Variants in GAPDHS observed in about 807,000 individuals in gnomAD.
GAPDHS encodes glyceraldehyde-3-phosphate dehydrogenase, spermatogenic, also known as glyceraldehyde-3-phosphate dehydrogenase, testis-specific.
In GAPDHS, 42 loss-of-function variants were observed where a neutral mutation model predicts 48.7. The ratio of observed to expected loss-of-function variants is 0.86; its 90% CI spans 0.67 to 1.12. GAPDHS has a LOEUF of 1.12. GAPDHS is among the 50% of genes most tolerant of loss of function. The probability of loss-of-function intolerance (pLI) is 0.00; values close to 1 mark genes in which losing one functional copy is unlikely to be tolerated. For missense variants in GAPDHS, 512 were observed against 557.7 expected, an observed-to-expected ratio of 0.92 and a Z score of 0.82; for synonymous variants, 166 against 219.1, an observed-to-expected ratio of 0.76 and a Z score of 2.14.
At chr19:35,534,355 G>A (rs1166393589) in intron 1 of GAPDHS, among the ~76,000 whole-genome samples, 1 of 152,200 alleles carries the variant, frequency 6.6e-6, no homozygotes, top group Non-Finnish European at 1.5e-5. Flanking sequence ...GAAGACACAG[G>A]AGCAGACAGG....
intron 2 of GAPDHS, 37 bp downstream of exon 2, chr19:35,537,027 T>C (rs2071470509): frequency 2.6e-6 from 4 of 1,527,870 alleles, no homozygotes; most frequent in Non-Finnish European, 3.6e-6. Flanking sequence ...TCTGAAGCCT[T>C]AGAGCCCAGC....
intron 8 of GAPDHS, 76 bp downstream of exon 8, chr19:35,543,567 A>C (rs2071521222): frequency 6.4e-7 from 1 of 1,573,744 alleles, no homozygotes; most frequent in Non-Finnish European, 8.6e-7. Flanking sequence ...CTCAGTCCTT[A>C]AGAGGAAAGC....
chr19:35,536,272 C>T (rs2071465390), intron 1 of GAPDHS, among the ~76,000 whole-genome samples: 4 of 151,972 alleles, frequency 2.6e-5, no homozygotes, highest in South Asian at 2.1e-4. Context: ...TCACCCCAAG[C>T]GATCTATGTT....
chr19:35,537,085 A>G, intron 2 of GAPDHS, 95 bp downstream of exon 2: 1 of 1,081,788 alleles, frequency 9.2e-7, no homozygotes, highest in Non-Finnish European at 1.4e-6. Context: ...TCCCCCCATC[A>G]ATGCTTTCGT....
rs1419621645 is a variant in GAPDHS, at chr19:35,545,128, G to C, written c.1185G>C (p.Arg395=). ...WYDNEYGYSH[R]VVDLLRYMFS... is the part of the protein sequence containing the mutation. ...ACAACGAATATGGCTACAGTCACCGGGTGGTCGACCTCCTCCGCTACATGT... is the reference window on the plus strand; with the variant it reads ...ACAACGAATATGGCTACAGTCACCGCGTGGTCGACCTCCTCCGCTACATGT... Residue 395 remains arginine, a synonymous_variant, in exon 11 of 11, where the codon CGG becomes CGC. Transcript: ENST00000222286. The C allele has an allele frequency of 6.2e-7, 1 of 1,614,122 alleles. No individual in the cohort carries two copies. Among genetic ancestry groups the C allele is most frequent in the Non-Finnish European group, 8.5e-7 (1 of 1,179,996 alleles).
In GAPDHS at chr19:35,533,460, C is replaced by T; in HGVS notation, c.-68C>T. 2.1e-6 allele frequency: 3 copies of T among 1,413,530 alleles called. No individual in the cohort carries two copies. The highest frequency in any genetic ancestry group is 3.0e-6 in the Non-Finnish European group (3 of 999,130). 87.6% of individuals were successfully genotyped at this position (1,413,530 alleles called of 1,614,324 possible). On this transcript the variant is annotated 5_prime_UTR_variant, in exon 1 of 11. Coordinates refer to ENST00000222286, the MANE Select transcript of GAPDHS (RefSeq NM_014364.5). ...GGCAATTAGCCCAGGACCCACAGCC[C>T]TGGCGCTCCGCACGCACCTCGGTAA...
rs562725709 is a variant in GAPDHS at position 35,543,714 on chromosome 19, G to A, written c.943G>A (p.Val315Met). 4.6e-5 allele frequency: 74 copies of A among 1,613,970 alleles called. No individual in the cohort carries two copies. The highest frequency in any genetic ancestry group is 5.7e-5 in the Non-Finnish European group (67 of 1,180,018). The change falls in exon 9 of 11, where the codon GTG (valine) becomes ATG (methionine). Residue 315 changes from valine (V) to methionine (M), a missense_variant. Physicochemically the swap from Val to Met is conservative, Grantham distance 21. Transcript: ENST00000222286. ...GGTACCAACCCCGGATGTGTCTGTC[G>A]TGGACCTGACCTGCCGCCTCGCCCA... ...FRVPTPDVSV[V>M]DLTCRLAQPA...
intron 1 of GAPDHS, among the ~76,000 whole-genome samples, chr19:35,536,359 C>T (rs1489474119): frequency 6.6e-6 from 1 of 151,932 alleles, no homozygotes; most frequent in Non-Finnish European, 1.5e-5. Context: ...GCGGGTGGAT[C>T]ACCTAAGGTC....
chr19:35,533,597 GAGGGA>G lies in GAPDHS; in HGVS notation c.67+4_67+8del. 1 of 1,609,744 alleles carries G rather than the reference GAGGGA, an allele frequency of 6.2e-7. No homozygotes were observed. The highest frequency in any genetic ancestry group is 8.5e-7 in the Non-Finnish European group (1 of 1,178,292). On this transcript the variant is annotated splice_donor_5th_base_variant and intron_variant, in intron 1 of 10. Transcript: ENST00000222286. ...GTTGCTGCGACAGCCGTGCCCGGGT[GAGGGA>G]GGCAGCGGAGGGCGCGGGGGAGGGG...
At position 35,542,393 on chromosome 19, in the gene GAPDHS, C is replaced by T; in HGVS notation, c.524C>T (p.Ser175Phe). The T allele has an allele frequency of 1.2e-6, 2 of 1,604,388 alleles. No homozygotes were observed. Among genetic ancestry groups the T allele is most frequent in the Non-Finnish European group, 1.7e-6 (2 of 1,171,406 alleles). Residue 175 changes from serine (S) to phenylalanine (F), a missense_variant, in exon 5 of 11, where the codon TCC (serine) becomes TTC (phenylalanine). Transcript: ENST00000222286. ...GTGGAGTCCACAGGCGTGTACCTCT[C>T]CATACAGGCAGCTTCGGTAAGCTGG... Reference protein sequence around the residue: ...YVVESTGVYLSIQAASDHISA... With the variant: ...YVVESTGVYLFIQAASDHISA...
chr19:35,540,370 T>G (rs1057292812), intron 4 of GAPDHS, among the ~76,000 whole-genome samples: 6 of 152,304 alleles, frequency 3.9e-5, no homozygotes, highest in Admixed American at 3.3e-4. Context: ...CATGACAGCC[T>G]TGGGGAGGGC....
chr19:35,545,046 T>A, intron 10 of GAPDHS, 40 bp downstream of exon 10: 2 of 1,601,542 alleles, frequency 1.2e-6, no homozygotes, highest in East Asian at 4.5e-5. Flanking sequence ...GGAGGGGAAC[T>A]AAGGGGTGGT....
intron 4 of GAPDHS, 85 bp downstream of exon 4, chr19:35,538,768 C>A: frequency 1.2e-6 from 1 of 851,550 alleles, no homozygotes; most frequent in East Asian, 2.5e-5. Context: ...TCCAGCCTCT[C>A]ACATGGGGTG....
Position 35,536,821 on chromosome 19 carries a change from G to A in GAPDHS, c.76G>A (p.Ala26Thr), listed in dbSNP as rs958659971. 1 of 1,609,272 alleles carries A rather than the reference G, an allele frequency of 6.2e-7. No homozygotes were observed. The highest frequency in any genetic ancestry group is 2.2e-5 in the East Asian group (1 of 44,782). ...LLRQPCPVTR[A>T]PPPPEPKAEV... Reference sequence around the variant, plus strand: ...TCCCTTCCCCCGCATAGTGACCAGAGCACCGCCCCCACCTGAGCCTAAGGC... The same window carrying A: ...TCCCTTCCCCCGCATAGTGACCAGAACACCGCCCCCACCTGAGCCTAAGGC... Residue 26 changes from alanine (A) to threonine (T), a missense_variant, in exon 2 of 11, where the codon GCA becomes ACA. By Grantham distance (58) the Ala-to-Thr change is moderately conservative. Coordinates refer to ENST00000222286, the MANE Select transcript of GAPDHS (RefSeq NM_014364.5).
At chr19:35,541,510 G>C (rs573428548) in intron 4 of GAPDHS, 6 of 151,542 alleles carry the variant, frequency 4.0e-5, no homozygotes, top group African/African-American at 1.5e-4. Flanking sequence ...AGGGGAGCAG[G>C]CTCAATGGCA....
chr19:35,539,381 G>T (rs2071486777), intron 4 of GAPDHS, among the ~76,000 whole-genome samples: 1 of 152,204 alleles, frequency 6.6e-6, no homozygotes, highest in Non-Finnish European at 1.5e-5. Context: ...TCCCATCATG[G>T]CCTGAACCAG....
chr19:35,534,542 G>A (rs1044506989), intron 1 of GAPDHS, among the ~76,000 whole-genome samples: 1 of 152,060 alleles, frequency 6.6e-6, no homozygotes, highest in African/African-American at 2.4e-5. Flanking sequence ...TTCTCCAACC[G>A]GGGGACCCCA....
intron 1 of GAPDHS, among the ~76,000 whole-genome samples, chr19:35,535,796 G>T (rs1298069779): frequency 7.0e-6 from 1 of 143,348 alleles, no homozygotes; most frequent in Non-Finnish European, 1.5e-5. Context: ...TTGAGACAGA[G>T]TCTCACTCTG....
chr19:35,544,432 G>A (rs781149526), intron 9 of GAPDHS: 208 of 170,258 alleles, frequency 1.2e-3, no homozygotes, highest in Admixed American at 2.8e-3. Context: ...TTGTTTTAAT[G>A]GAATCACATT....
Sources: gnomAD v4.1 joint callset for allele counts (sites outside exome capture counted in the v4.1 genomes callset) on GRCh38, gnomAD v4.1.1 for gene constraint, MANE v1.5 for transcripts, NCBI Gene and HGNC (gene_info 2026-07-23, HGNC 2026-07-21) for gene names.